PEAK1: variants seen among roughly 807,000 people sequenced by gnomAD.
The protein encoded by PEAK1 is pseudopodium enriched atypical kinase 1, also known as inactive tyrosine-protein kinase PEAK1.
Under a neutral mutation model 124.7 loss-of-function variants are expected in PEAK1, and 54 were observed. The ratio of observed to expected loss-of-function variants is 0.43; its 90% confidence interval spans 0.35 to 0.54. PEAK1 has a LOEUF of 0.54. Among genes scored for constraint, PEAK1 ranks in the 20% least tolerant of loss-of-function variants. The pLI, the probability that PEAK1 is intolerant of heterozygous loss-of-function variation, is 0.01. For synonymous variants in PEAK1, 719 were observed against 760.0 expected (o/e 0.95, Z 0.89); for missense variants, 2,046 against 2,134.5 (o/e 0.96, Z 0.82).
At chr15:77,168,947 AG>A (rs768490681) in intron 7 of PEAK1, among the ~76,000 whole-genome samples, 49 of 152,188 alleles carry the variant, frequency 3.2e-4, no homozygotes, top group Non-Finnish European at 6.2e-4. Context: ...CATGAAATTC[AG>A]GGGTGGTAGA....
intron 2 of PEAK1, among the ~76,000 whole-genome samples, chr15:77,303,742 C>T (rs999178100): frequency 1.3e-5 from 2 of 152,252 alleles, no homozygotes; most frequent in South Asian, 4.1e-4. Flanking sequence ...TAAATTTTAA[C>T]TAAGTCACAA....
chr15:77,289,633 C>A (rs1377363761), intron 2 of PEAK1, among the ~76,000 whole-genome samples: 3 of 152,162 alleles, frequency 2.0e-5, no homozygotes, highest in Non-Finnish European at 1.5e-5. Context: ...GTCAGGAGCT[C>A]GAGTCCAGCC....
chr15:77,348,840 C>T, intron 2 of PEAK1: 1 of 799,860 alleles, frequency 1.3e-6, no homozygotes. Flanking sequence ...GGGGGTCTAA[C>T]TGTGTTGCTC....
chr15:77,408,909 A>C (rs1311090994), intron 1 of PEAK1, among the ~76,000 whole-genome samples: 1 of 152,142 alleles, frequency 6.6e-6, no homozygotes, highest in Non-Finnish European at 1.5e-5. Context: ...TCTCCAAAAA[A>C]TAATTTTAAA....
chr15:77,103,869 G>A (rs1168549889), downstream of PEAK1: 1 of 152,294 alleles, frequency 6.6e-6, no homozygotes, highest in Non-Finnish European at 1.5e-5. Context: ...GATCCCATAG[G>A]AGTTCAGTGA....
intron 2 of PEAK1, among the ~76,000 whole-genome samples, chr15:77,338,239 A>T (rs1229870403): frequency 6.6e-6 from 1 of 152,162 alleles, no homozygotes; most frequent in East Asian, 1.9e-4. Context: ...TTCTGCAAAC[A>T]TCTGCTTTTG....
At position 77,173,387 on chromosome 15, in the gene PEAK1, T is replaced by G. The variant is rs115338422; in HGVS notation, c.3137+5403A>C. Among the ~76,000 whole-genome samples, 1,117 of 152,290 alleles carry G rather than the reference T, an allele frequency of 7.3e-3. 15 individuals carry two copies. Among genetic ancestry groups the G allele is most frequent in the African/African-American group, 0.025 (1,059 of 41,562 alleles). ...GGGTACAATGTGATGTTTTGATATA[T>G]GTATATGCTGTAGAAGATTAAATAA... On this transcript the variant is annotated intron_variant, in intron 7 of 9. Coordinates refer to ENST00000682557, the MANE Select transcript of PEAK1 (RefSeq NM_001385026.1).
chr15:77,351,947 G>A (rs2067235593), intron 2 of PEAK1: 1 of 985,222 alleles, frequency 1.0e-6, no homozygotes, highest in Non-Finnish European at 1.2e-6. Context: ...TCAGCCAGGT[G>A]TGGTGGCTCA....
intron 1 of PEAK1, chr15:77,403,678 C>G (rs2071561684): frequency 1.1e-6 from 1 of 897,022 alleles, no homozygotes; most frequent in African/African-American, 1.8e-5. Flanking sequence ...TTCCATTCAT[C>G]TCATTTGACA....
intron 2 of PEAK1, among the ~76,000 whole-genome samples, chr15:77,356,958 A>G (rs924664808): frequency 1.3e-5 from 2 of 152,254 alleles, no homozygotes. Context: ...TCCAAGATAC[A>G]GAAGTAAGTT....
intron 6 of PEAK1, among the ~76,000 whole-genome samples, chr15:77,246,445 G>A (rs1344636763): frequency 6.6e-6 from 1 of 151,928 alleles, no homozygotes; most frequent in African/African-American, 2.4e-5. Context: ...GATCACTTGA[G>A]CCCAGGAGGT....
At position 77,180,015 on chromosome 15, in the gene PEAK1, G is replaced by C. The variant is rs899290718; in HGVS notation, c.1912C>G (p.Leu638Val). 5 of 1,613,922 alleles carry C rather than the reference G, an allele frequency of 3.1e-6. No individual in the cohort carries two copies. In the African/African-American group the frequency reaches 5.3e-5, roughly 17 times the overall value. ...CCCAGAAAACTTTTGTAGATAGCTA[G>C]ATTGTCATATGCATTTGGATTGATA... ...IVINPNAYDN[L>V]AIYKSFLGTS... is the part of the protein sequence containing the mutation. Residue 638 changes from leucine (L) to valine (V), a missense_variant, in exon 7 of 10, where the codon CTA becomes GTA. By Grantham distance (32) the Leu-to-Val change is conservative. Transcript: ENST00000682557.
At chr15:77,371,315 A>G (rs2068624961) in intron 1 of PEAK1, 1 of 915,058 alleles carries the variant, frequency 1.1e-6, no homozygotes, top group African/African-American at 1.8e-5. Flanking sequence ...TATTTCACTG[A>G]AAATATTCCT....
intron 2 of PEAK1, among the ~76,000 whole-genome samples, chr15:77,339,052 C>T (rs1040632045): frequency 6.6e-6 from 1 of 150,844 alleles, no homozygotes; most frequent in African/African-American, 2.4e-5. Flanking sequence ...GAGGAATTCA[C>T]AAGGGAGGGT....
intron 2 of PEAK1, among the ~76,000 whole-genome samples, chr15:77,318,697 TATTA>T (rs1468928282): frequency 1.3e-5 from 2 of 152,056 alleles, no homozygotes; most frequent in South Asian, 2.1e-4. Flanking sequence ...ATTTATAATT[TATTA>T]ATTAGAATAA....
At chr15:77,247,034 T>C (rs1281283064) in intron 6 of PEAK1, among the ~76,000 whole-genome samples, 2 of 151,996 alleles carry the variant, frequency 1.3e-5, no homozygotes, top group African/African-American at 2.4e-5. Context: ...ATATAGTGTA[T>C]AGAAATATGA....
intron 6 of PEAK1, among the ~76,000 whole-genome samples, chr15:77,252,037 C>T (rs2060906638): frequency 6.6e-6 from 1 of 152,232 alleles, no homozygotes; most frequent in South Asian, 2.1e-4. Flanking sequence ...CCCTTTAATT[C>T]TTGCCTTCGC....
chr15:77,116,050 C>G (rs1176401052), intron 9 of PEAK1, among the ~76,000 whole-genome samples: 1 of 152,102 alleles, frequency 6.6e-6, no homozygotes, highest in Non-Finnish European at 1.5e-5. Flanking sequence ...GCAATAAAAC[C>G]TTTCATAAAG....
At position 77,303,094 on chromosome 15, in the gene PEAK1, C is replaced by T. The variant is rs114977768; in HGVS notation, c.-602-16590G>A. 1.5e-3 allele frequency among the ~76,000 whole-genome samples: 227 copies of T among 152,296 alleles called. 2 individuals carry two copies. Among genetic ancestry groups the T allele is most frequent in the African/African-American group, 5.3e-3 (220 of 41,566 alleles). On this transcript the variant is annotated intron_variant, in intron 2 of 9. Transcript: ENST00000682557. Reference sequence around the variant, plus strand: ...ATTCATCCATGTCTTTTCATGATTTCATAGCTCTTTTTAGTACTGATTAAT... The same window carrying T: ...ATTCATCCATGTCTTTTCATGATTTTATAGCTCTTTTTAGTACTGATTAAT...
Sources: allele counts gnomAD v4.1 joint callset (sites outside exome capture counted in the v4.1 genomes callset), GRCh38; gene constraint gnomAD v4.1.1; transcripts MANE v1.5; gene names NCBI Gene and HGNC (gene_info 2026-07-23, HGNC 2026-07-21).